Variants in ARAP2 observed in about 807,000 individuals in gnomAD.
ARAP2 encodes the protein arf-GAP with Rho-GAP domain, ANK repeat and PH domain-containing protein 2.
ARAP2 carries 148 observed loss-of-function variants against 194.5 expected under a neutral mutation model. The observed-to-expected ratio is 0.76, with a 90% CI of 0.67 to 0.87. The LOEUF is 0.87. Ranked by LOEUF, ARAP2 falls within the 40% of genes least tolerant of loss-of-function variation. ARAP2 has a pLI of 0.00. For synonymous variants in ARAP2, 695 were observed against 683.5 expected (o/e 1.02, Z -0.26); for missense variants, 2,128 against 1,989.7 (o/e 1.07, Z -1.32).
At chr4:36,115,815 A>C (rs1189459656) in intron 25 of ARAP2, among the ~76,000 whole-genome samples, 2 of 152,060 alleles carry the variant, frequency 1.3e-5, no homozygotes, top group Admixed American at 6.6e-5. Flanking sequence ...ATTGGTTTTA[A>C]ATAGTTTTTG....
chr4:36,010,988 A>C (rs1347337950), intron 9 of ARAP2, among the ~76,000 whole-genome samples: 1 of 152,134 alleles, frequency 6.6e-6, no homozygotes, highest in African/African-American at 2.4e-5. Context: ...TTTCCTTATA[A>C]GACTTGAAGA....
chr4:36,215,683 C>T (rs1747777167), intron 2 of ARAP2, among the ~76,000 whole-genome samples: 1 of 152,220 alleles, frequency 6.6e-6, no homozygotes, highest in South Asian at 2.1e-4. Flanking sequence ...ATAAGAAATA[C>T]AACTCAATTT....
At chr4:36,109,108 C>A (rs1211010875) in intron 26 of ARAP2, among the ~76,000 whole-genome samples, 1 of 151,902 alleles carries the variant, frequency 6.6e-6, no homozygotes, top group Non-Finnish European at 1.5e-5. Context: ...TACTGGTTTC[C>A]CCTGCTATGA....
intron 5 of ARAP2, among the ~76,000 whole-genome samples, chr4:36,034,300 G>T (rs1318807170): frequency 6.6e-6 from 1 of 152,106 alleles, no homozygotes; most frequent in Non-Finnish European, 1.5e-5. Context: ...CCATATGTTT[G>T]TGTCTTCTCT....
At chr4:36,119,894 A>T (rs1423306616) in intron 23 of ARAP2, among the ~76,000 whole-genome samples, 176 bp from the exon 24 acceptor site, 2 of 151,460 alleles carry the variant, frequency 1.3e-5, no homozygotes, top group East Asian at 3.9e-4. Context: ...AACAAGATAG[A>T]GTATCCTAAA....
intron 26 of ARAP2, among the ~76,000 whole-genome samples, chr4:36,109,932 A>G (rs575371349): frequency 3.0e-4 from 42 of 142,180 alleles, no homozygotes; most frequent in Non-Finnish European, 5.8e-4. Flanking sequence ...CCATTTATGG[A>G]ATAACAATTA....
intron 31 of ARAP2, among the ~76,000 whole-genome samples, chr4:36,078,168 AAG>A (rs1728670134): frequency 6.6e-6 from 1 of 152,228 alleles, no homozygotes; most frequent in Non-Finnish European, 1.5e-5. Flanking sequence ...AAATATGATG[AAG>A]AGTCCTTCTT....
chr4:36,106,763 C>A (rs1718520482), intron 27 of ARAP2, among the ~76,000 whole-genome samples: 2 of 151,598 alleles, frequency 1.3e-5, no homozygotes, highest in Admixed American at 6.6e-5. Flanking sequence ...ATATAACTTA[C>A]AAGGAAGTTA....
chr4:36,182,951 A>G (rs1439633346), intron 8 of ARAP2, among the ~76,000 whole-genome samples: 3 of 152,212 alleles, frequency 2.0e-5, no homozygotes. Context: ...GGAAGAGGTC[A>G]GGATGGAGAT....
intron 5 of ARAP2, among the ~76,000 whole-genome samples, chr4:36,022,884 A>G (rs1717249525): frequency 6.6e-6 from 1 of 152,178 alleles, no homozygotes; most frequent in African/African-American, 2.4e-5. Context: ...TGAGTTCCCT[A>G]TACTATTGGT....
chr4:36,069,231 C>T (rs866550076), intron 32 of ARAP2, among the ~76,000 whole-genome samples: 5 of 152,230 alleles, frequency 3.3e-5, no homozygotes, highest in Middle Eastern at 3.4e-3. Flanking sequence ...AAAATATTTT[C>T]ATGAATATAA....
At chr4:36,227,811 A>G (rs1750657258) in intron 2 of ARAP2, among the ~76,000 whole-genome samples, 1 of 152,154 alleles carries the variant, frequency 6.6e-6, no homozygotes, top group African/African-American at 2.4e-5. Context: ...GAAAACCACA[A>G]CTATTTTAGG....
chr4:36,146,082 T>C (rs1458224862), intron 19 of ARAP2, among the ~76,000 whole-genome samples: 1 of 152,012 alleles, frequency 6.6e-6, no homozygotes, highest in Non-Finnish European at 1.5e-5. Flanking sequence ...GAATTTGTTC[T>C]CTCAAAAAAA....
chr4:36,119,271 T>C (rs1722113164), intron 24 of ARAP2, among the ~76,000 whole-genome samples: 1 of 151,526 alleles, frequency 6.6e-6, no homozygotes. Context: ...AAATAATTTA[T>C]AGTTTCAAAA....
At chr4:36,177,267 G>A (rs1738159524) in intron 9 of ARAP2, among the ~76,000 whole-genome samples, 1 of 152,034 alleles carries the variant, frequency 6.6e-6, no homozygotes, top group Non-Finnish European at 1.5e-5. Flanking sequence ...TATTTATGTA[G>A]ATGTGCGTGT....
chr4:36,168,606 A>G (rs1735846230), intron 9 of ARAP2, among the ~76,000 whole-genome samples: 1 of 152,234 alleles, frequency 6.6e-6, no homozygotes, highest in Non-Finnish European at 1.5e-5. Context: ...AAATTGTGGG[A>G]AAGCCTCTTA....
intron 28 of ARAP2, 100 bp from the exon 29 acceptor site, chr4:36,083,550 A>C: frequency 1.2e-6 from 1 of 822,412 alleles, no homozygotes; most frequent in African/African-American, 1.8e-5. Context: ...TTAGTTTCTC[A>C]GTGTTTCATA....
intron 12 of ARAP2, 58 bp downstream of exon 12, chr4:36,161,407 C>T (rs1475702787): frequency 2.3e-5 from 33 of 1,431,326 alleles, no homozygotes; most frequent in Non-Finnish European, 3.1e-5. Flanking sequence ...CAAACCTCCT[C>T]CCAGTCTCTG....
intron 8 of ARAP2, 49 bp from the exon 9 acceptor site, chr4:36,178,054 T>C (rs776750872): frequency 1.9e-5 from 29 of 1,495,418 alleles, no homozygotes; most frequent in African/African-American, 5.6e-5. Context: ...ATAAGTTACA[T>C]AGACACAGAA....
Sources: gnomAD v4.1 joint callset for allele counts (sites outside exome capture counted in the v4.1 genomes callset) on GRCh38, gnomAD v4.1.1 for gene constraint, MANE v1.5 for transcripts, NCBI Gene and HGNC (gene_info 2026-07-23, HGNC 2026-07-21) for gene names.